Variants in COL22A1 observed in about 807,000 individuals in gnomAD.
COL22A1 encodes the protein collagen type XXII alpha 1 chain, also known as collagen alpha-1(XXII) chain.
Under a neutral mutation model 248.9 loss-of-function variants are expected in COL22A1, and 221 were observed. That is an observed-to-expected ratio of 0.89 (90% CI 0.80 to 0.99). COL22A1 has a LOEUF of 0.99. COL22A1 is among the 50% of genes least tolerant of loss of function. The pLI is 0.00. For synonymous variants in COL22A1, 891 were observed against 793.4 expected (o/e 1.12, Z -2.07); for missense variants, 2,240 against 2,179.0 (o/e 1.03, Z -0.56).
chr8:138,665,796 A>G (rs1055713290), intron 41 of COL22A1, among the ~76,000 whole-genome samples: 1 of 152,200 alleles, frequency 6.6e-6, no homozygotes, highest in African/African-American at 2.4e-5. Context: ...ATGATTACAT[A>G]TAGAAAAAAA....
At chr8:138,911,596 C>T (rs1056108724) in intron 1 of COL22A1, among the ~76,000 whole-genome samples, 4 of 152,196 alleles carry the variant, frequency 2.6e-5, no homozygotes, top group East Asian at 1.9e-4. Context: ...CATGGACAGC[C>T]TTGCAGGGAT....
At chr8:138,633,444 C>T (rs1820891040) in intron 49 of COL22A1, among the ~76,000 whole-genome samples, 1 of 152,162 alleles carries the variant, frequency 6.6e-6, no homozygotes, top group African/African-American at 2.4e-5. Context: ...CCAGTGAGAA[C>T]AGATCAGGAT....
rs1828918627 is a variant in COL22A1, at chr8:138,711,020, T to C, written c.2517+4662A>G. On this transcript the variant is annotated intron_variant, in intron 30 of 64. Transcript: ENST00000303045. ...GGGCATGAAGACTGCCTTTTGGAAA[T>C]AGCCTCCTCATCCTGAGGGCTGTGG... is the stretch of plus-strand genomic sequence containing the variant. Among the ~76,000 whole-genome samples, 3 of 152,252 alleles carry C rather than the reference T, an allele frequency of 2.0e-5. No individual in the cohort carries two copies. The South Asian group carries it at 6.2e-4, about 32-fold the overall frequency.
chr8:138,889,810 T>G (rs1424657600), intron 1 of COL22A1, among the ~76,000 whole-genome samples: 37 of 152,182 alleles, frequency 2.4e-4, no homozygotes, highest in Admixed American at 2.4e-3. Context: ...TTGTTCAGTA[T>G]TTTCCCAGGC....
chr8:138,746,166 C>T (rs1426757989), intron 22 of COL22A1, among the ~76,000 whole-genome samples: 2 of 152,212 alleles, frequency 1.3e-5, no homozygotes, highest in Non-Finnish European at 2.9e-5. Flanking sequence ...CTGCCTGTTG[C>T]TAATCTCTAA....
At chr8:138,728,494 T>G (rs1046822837) in intron 23 of COL22A1, among the ~76,000 whole-genome samples, 1 of 152,090 alleles carries the variant, frequency 6.6e-6, no homozygotes, top group Non-Finnish European at 1.5e-5. Context: ...TGGAGTGTTT[T>G]ATGCTTTTTC....
intron 30 of COL22A1, among the ~76,000 whole-genome samples, chr8:138,711,893 G>A (rs752776189): frequency 7.2e-5 from 11 of 152,214 alleles, no homozygotes; most frequent in Non-Finnish European, 1.6e-4. Flanking sequence ...CTAAGAGCCA[G>A]GACTTTCTAT....
chr8:138,759,072 T>C (rs1382951410), intron 18 of COL22A1, among the ~76,000 whole-genome samples: 1 of 152,176 alleles, frequency 6.6e-6, no homozygotes, highest in African/African-American at 2.4e-5. Flanking sequence ...AATATAACAA[T>C]ATACATCTCA....
chr8:138,813,044 G>A lies in COL22A1; in HGVS notation c.1246-25C>T. 1.9e-6 allele frequency: 3 copies of A among 1,600,086 alleles called. No individual in the cohort carries two copies. In the South Asian group the frequency reaches 3.3e-5, roughly 18 times the overall value. ...ACTGGAAAGGAAAGCAAGGAGAGAG[G>A]ATAAGTTTTAGGGACTTTGGAACCC... On this transcript the variant is annotated intron_variant, in intron 7 of 64. Transcript: ENST00000303045.
At chr8:138,781,505 G>A (rs1482668086) in intron 12 of COL22A1, among the ~76,000 whole-genome samples, 1 of 152,096 alleles carries the variant, frequency 6.6e-6, no homozygotes, top group Non-Finnish European at 1.5e-5. Context: ...CTCCTGCTTG[G>A]GAACCACTGG....
rs1447655529 is a variant in COL22A1, at chr8:138,630,757, G to C, written c.3610-9C>G. 6.2e-7 allele frequency: 1 copy of C among 1,613,450 alleles called. No individual in the cohort carries two copies. The highest frequency in any genetic ancestry group is 1.3e-5 in the African/African-American group (1 of 74,890). The stretch of plus-strand genomic sequence containing the variant: ...GCAATTCCATCTGCCCCCTAAAAAA[G>C]ACAAGGCAGAAAGCTAGTTTCTTGT... On this transcript the variant is annotated splice_polypyrimidine_tract_variant and intron_variant, in intron 49 of 64. Transcript: ENST00000303045.
intron 31 of COL22A1, among the ~76,000 whole-genome samples, chr8:138,701,103 A>T (rs549329788): frequency 6.6e-6 from 1 of 151,550 alleles, no homozygotes; most frequent in South Asian, 2.1e-4. Context: ...CCTTTCTATG[A>T]CTAAGGTCAT....
chr8:138,701,835 TTGAC>T (rs1360459537), intron 31 of COL22A1, among the ~76,000 whole-genome samples: 3 of 152,240 alleles, frequency 2.0e-5, no homozygotes, highest in Non-Finnish European at 4.4e-5. Flanking sequence ...TATGCAGTGA[TTGAC>T]TAATAGATTT....
rs545784476 is a variant in COL22A1, at chr8:138,670,409, G to A, written c.3150+6149C>T. 2.0e-5 allele frequency among the ~76,000 whole-genome samples: 3 copies of A among 152,248 alleles called. No individual in the cohort carries two copies. The East Asian group carries it at 5.8e-4, about 30-fold the overall frequency. ...TGCACATTCCTTGAGCATCGGCCAT[G>A]GGGGCAAGGCCGGGAGCTGGGGCCT... On this transcript the variant is annotated intron_variant, in intron 41 of 64. Coordinates refer to ENST00000303045, the MANE Select transcript of COL22A1 (RefSeq NM_152888.3).
At chr8:138,613,952 T>C in intron 55 of COL22A1, 32 bp from the exon 56 acceptor site, 1 of 1,556,734 alleles carries the variant, frequency 6.4e-7, no homozygotes, top group Non-Finnish European at 8.9e-7. Context: ...GGTGTCATCA[T>C]CAAGTCACTG....
chr8:138,733,778 G>A (rs1158449895), intron 23 of COL22A1, among the ~76,000 whole-genome samples: 2 of 152,146 alleles, frequency 1.3e-5, no homozygotes, highest in African/African-American at 4.8e-5. Flanking sequence ...TTGAGGCCTT[G>A]TGGATGCAGG....
chr8:138,756,709 G>C (rs1164816407), intron 18 of COL22A1, among the ~76,000 whole-genome samples: 3 of 152,110 alleles, frequency 2.0e-5, no homozygotes, highest in African/African-American at 7.2e-5. Context: ...TAAGGGGGAA[G>C]AGTGAATGGC....
intron 41 of COL22A1, among the ~76,000 whole-genome samples, chr8:138,674,990 T>G (rs1825397401): frequency 6.6e-6 from 1 of 152,128 alleles, no homozygotes; most frequent in African/African-American, 2.4e-5. Flanking sequence ...AAGTGGGCAG[T>G]TTTACCTGAG....
rs75596912 is a variant in COL22A1, at chr8:138,614,900, C to T, written c.3925-980G>A. On this transcript the variant is annotated intron_variant, in intron 55 of 64. Coordinates refer to ENST00000303045, the MANE Select transcript of COL22A1 (RefSeq NM_152888.3). ...GATCAGCCACAGGGGCCACGTGCTCCGGTGTGTCAAGAGCCACTGGGGAAG... is the reference window on the plus strand; with the variant it reads ...GATCAGCCACAGGGGCCACGTGCTCTGGTGTGTCAAGAGCCACTGGGGAAG... 5.0e-3 allele frequency among the ~76,000 whole-genome samples: 758 copies of T among 152,278 alleles called. 9 individuals carry two copies. The highest frequency in any genetic ancestry group is 0.018 in the African/African-American group (739 of 41,534).
Sources: gnomAD v4.1 joint callset for allele counts (sites outside exome capture counted in the v4.1 genomes callset) on GRCh38, gnomAD v4.1.1 for gene constraint, MANE v1.5 for transcripts, NCBI Gene and HGNC (gene_info 2026-07-23, HGNC 2026-07-21) for gene names.